The following STX8 variants were observed in gnomAD, a reference collection of about 807,000 sequenced individuals.
The protein encoded by STX8 is syntaxin 8, also known as syntaxin-8.
In STX8, 23 loss-of-function variants were observed where a neutral mutation model predicts 37.5. That is an observed-to-expected ratio of 0.61 (90% CI 0.44 to 0.87). The LOEUF is 0.87. Among genes scored for constraint, STX8 ranks in the 40% least tolerant of loss-of-function variants. The pLI is 0.00. For missense variants in STX8, 313 were observed against 284.7 expected, an observed-to-expected ratio of 1.10 and a Z score of -0.71; for synonymous variants, 115 against 99.1, an observed-to-expected ratio of 1.16 and a Z score of -0.95.
chr17:9,299,839 T>G (rs1908704672), intron 7 of STX8, among the ~76,000 whole-genome samples: 2 of 152,236 alleles, frequency 1.3e-5, no homozygotes, highest in Non-Finnish European at 2.9e-5. Flanking sequence ...TTAGGCTATT[T>G]GTTACTCTAA....
At chr17:9,255,348 G>A (rs763119094) in intron 7 of STX8, among the ~76,000 whole-genome samples, 2 of 152,048 alleles carry the variant, frequency 1.3e-5, no homozygotes, top group Non-Finnish European at 2.9e-5. Context: ...CCAACACAGA[G>A]AAACCACGTC....
chr17:9,329,291 A>G (rs1008308445), intron 7 of STX8, among the ~76,000 whole-genome samples: 1 of 152,192 alleles, frequency 6.6e-6, no homozygotes, highest in African/African-American at 2.4e-5. Context: ...TTTTATAGGC[A>G]TGTTCAATCA....
chr17:9,485,834 C>T (rs770146202), intron 6 of STX8, among the ~76,000 whole-genome samples: 13 of 152,120 alleles, frequency 8.5e-5, no homozygotes, highest in Non-Finnish European at 1.5e-4. Context: ...GATCCACCTA[C>T]CTTGGCCTCC....
At chr17:9,438,793 G>A (rs1904536583) in intron 6 of STX8, among the ~76,000 whole-genome samples, 1 of 152,052 alleles carries the variant, frequency 6.6e-6, no homozygotes, top group African/African-American at 2.4e-5. Flanking sequence ...GCCGGGCGGT[G>A]GTGGTGGCGC....
At chr17:9,332,075 C>T (rs893667596) in intron 7 of STX8, among the ~76,000 whole-genome samples, 1 of 152,130 alleles carries the variant, frequency 6.6e-6, no homozygotes, top group African/African-American at 2.4e-5. Context: ...AGAATAATGG[C>T]GATATTAGCT....
chr17:9,518,222 C>T (rs1340447896), intron 4 of STX8, among the ~76,000 whole-genome samples: 1 of 152,154 alleles, frequency 6.6e-6, no homozygotes, highest in Admixed American at 6.6e-5. Flanking sequence ...CCACTGCAAG[C>T]CAACTTCTAC....
intron 6 of STX8, among the ~76,000 whole-genome samples, chr17:9,396,583 G>A (rs1912411652): frequency 6.6e-6 from 1 of 151,964 alleles, no homozygotes; most frequent in African/African-American, 2.4e-5. Flanking sequence ...GGTGGCGAGT[G>A]CCTGTAATCC....
rs187970495 is a variant in STX8, at chr17:9,376,401, A to G, written c.643+2151T>C. ...AAGGTTTGTAAACGCACCAATCAGC[A>G]CTCTGTAAAAATAGACCAATCAGCA... On this transcript the variant is annotated intron_variant, in intron 7 of 7. Transcript: ENST00000306357. Among the ~76,000 whole-genome samples, 872 of 152,226 alleles carry G rather than the reference A, an allele frequency of 5.7e-3. 8 individuals carry two copies. The highest frequency in any genetic ancestry group is 0.019 in the African/African-American group (782 of 41,504).
intron 7 of STX8, among the ~76,000 whole-genome samples, chr17:9,267,891 T>C (rs1368509015): frequency 1.3e-5 from 2 of 150,778 alleles, no homozygotes; most frequent in Admixed American, 6.7e-5. Context: ...CTCAGGAGGC[T>C]GAGGCAGGAG....
At chr17:9,568,530 T>C (rs1907550198) in intron 1 of STX8, 60 bp from the exon 2 acceptor site, 1 of 1,413,128 alleles carries the variant, frequency 7.1e-7, no homozygotes, top group African/African-American at 1.4e-5. Context: ...AGACGGAGTC[T>C]CGCTCTGTCG....
At chr17:9,461,615 G>C (rs984365956) in intron 6 of STX8, among the ~76,000 whole-genome samples, 4 of 152,182 alleles carry the variant, frequency 2.6e-5, no homozygotes, top group African/African-American at 7.2e-5. Flanking sequence ...TGGTGGGTTA[G>C]AGCAGCGGTC....
intron 7 of STX8, among the ~76,000 whole-genome samples, chr17:9,274,462 G>C (rs1025233770): frequency 1.9e-4 from 29 of 151,776 alleles, no homozygotes; most frequent in African/African-American, 4.4e-4. Flanking sequence ...GGATCACAAG[G>C]TCAGGAGATC....
intron 6 of STX8, among the ~76,000 whole-genome samples, chr17:9,409,655 G>A (rs973606673): frequency 9.2e-5 from 14 of 152,080 alleles, no homozygotes; most frequent in African/African-American, 3.4e-4. Flanking sequence ...CCCTGAGGCC[G>A]CCTTCGCTCC....
At chr17:9,314,783 C>A (rs1315723352) in intron 7 of STX8, among the ~76,000 whole-genome samples, 10 of 151,394 alleles carry the variant, frequency 6.6e-5, no homozygotes, top group African/African-American at 1.9e-4. Context: ...TCCCCTTGGC[C>A]AAGGGTAGCC....
At chr17:9,340,082 G>A (rs1910292718) in intron 7 of STX8, among the ~76,000 whole-genome samples, 1 of 152,228 alleles carries the variant, frequency 6.6e-6, no homozygotes, top group Non-Finnish European at 1.5e-5. Flanking sequence ...TGTGATGAAT[G>A]GGTGAAAGAT....
At chr17:9,540,414 C>G (rs755299377) in intron 4 of STX8, among the ~76,000 whole-genome samples, 3 of 152,158 alleles carry the variant, frequency 2.0e-5, no homozygotes, top group Admixed American at 6.5e-5. Flanking sequence ...ACAGGACTTG[C>G]ACTTTTTGGA....
At chr17:9,335,856 C>A (rs1910124116) in intron 7 of STX8, among the ~76,000 whole-genome samples, 1 of 152,018 alleles carries the variant, frequency 6.6e-6, no homozygotes, top group African/African-American at 2.4e-5. Flanking sequence ...CACTCACACT[C>A]ACGTAAATAT....
At chr17:9,367,117 C>T (rs12602620) in intron 7 of STX8, among the ~76,000 whole-genome samples, 28,727 of 151,262 alleles carry the variant, frequency 0.19, 2,874 homozygotes, top group Non-Finnish European at 0.22. Context: ...TGAGGCTGAA[C>T]AAATCTACTT....
chr17:9,367,880 G>GC (rs1192435778), intron 7 of STX8, among the ~76,000 whole-genome samples: 2 of 152,068 alleles, frequency 1.3e-5, no homozygotes, highest in East Asian at 3.9e-4. Context: ...ACAGGCACCT[G>GC]CCATTAGGCC....
Sources: gnomAD v4.1 joint callset for allele counts (sites outside exome capture counted in the v4.1 genomes callset) on GRCh38, gnomAD v4.1.1 for gene constraint, MANE v1.5 for transcripts, NCBI Gene and HGNC (gene_info 2026-07-23, HGNC 2026-07-21) for gene names.